Variants in KANSL1 observed in about 807,000 individuals in gnomAD.
KANSL1 encodes the protein MLL1/MLL complex subunit KANSL1.
KANSL1 carries 22 observed loss-of-function variants against 103.6 expected under a neutral mutation model. The observed-to-expected ratio is 0.21, with a 90% confidence interval of 0.15 to 0.30. The LOEUF is 0.30. Among genes scored for constraint, KANSL1 ranks in the 10% least tolerant of loss-of-function variants. The pLI, the probability that KANSL1 is intolerant of heterozygous loss-of-function variation, is 1.00. For missense variants in KANSL1, 1,337 were observed against 1,399.8 expected, an observed-to-expected ratio of 0.96 and a Z score of 0.72; for synonymous variants, 600 against 527.6, an observed-to-expected ratio of 1.14 and a Z score of -1.88.
intron 3 of KANSL1, among the ~76,000 whole-genome samples, chr17:46,085,486 T>C (rs1410638476): frequency 1.3e-5 from 2 of 152,202 alleles, no homozygotes; most frequent in African/African-American, 2.4e-5. Flanking sequence ...TCACTTATTA[T>C]TGCCTCAGTT....
chr17:46,079,755 T>C (rs188809388), intron 4 of KANSL1, among the ~76,000 whole-genome samples: 83 of 152,252 alleles, frequency 5.5e-4, no homozygotes, highest in Non-Finnish European at 9.4e-4. Context: ...GGCCAGCGGA[T>C]TGCTTGTGCT....
At chr17:46,182,544 G>C (rs182505803) in intron 1 of KANSL1, among the ~76,000 whole-genome samples, 1 of 152,254 alleles carries the variant, frequency 6.6e-6, no homozygotes, top group East Asian at 1.9e-4. Context: ...TGGCCAACAG[G>C]GCTTCTTAAC....
At chr17:46,200,458 A>G (rs1205601567) in intron 1 of KANSL1, among the ~76,000 whole-genome samples, 2 of 152,164 alleles carry the variant, frequency 1.3e-5, no homozygotes, top group Non-Finnish European at 2.9e-5. Flanking sequence ...AAATATCTTT[A>G]CAGGCTGGGT....
chr17:46,160,832 T>TA (rs1459916042), intron 2 of KANSL1, among the ~76,000 whole-genome samples: 1 of 152,236 alleles, frequency 6.6e-6, no homozygotes, highest in African/African-American at 2.4e-5. Flanking sequence ...TGATTCTGTT[T>TA]ACACTAAAAA....
intron 2 of KANSL1, chr17:46,170,595 G>C: frequency 2.0e-6 from 1 of 488,848 alleles, no homozygotes; most frequent in Non-Finnish European, 3.6e-6. Context: ...TTACACATAA[G>C]ATGTCTCCTA....
intron 7 of KANSL1, chr17:46,040,607 T>C (rs1490576814): frequency 6.6e-6 from 1 of 152,250 alleles, no homozygotes; most frequent in African/African-American, 2.4e-5. Flanking sequence ...TATTCTAATA[T>C]CCAGTGCTAT....
chr17:46,097,522 G>T (rs756368923), intron 2 of KANSL1, among the ~76,000 whole-genome samples: 1 of 152,220 alleles, frequency 6.6e-6, no homozygotes, highest in East Asian at 1.9e-4. Context: ...AAAGGGGATG[G>T]AGAAGTTGGA....
chr17:46,166,493 CAA>C (rs2046007369), intron 2 of KANSL1, among the ~76,000 whole-genome samples: 1 of 149,854 alleles, frequency 6.7e-6, no homozygotes, highest in South Asian at 2.1e-4. Context: ...GCCTGGGCAA[CAA>C]GAGCAACATT....
chr17:46,216,146 G>A (rs1489624313), intron 1 of KANSL1, among the ~76,000 whole-genome samples: 1 of 152,216 alleles, frequency 6.6e-6, no homozygotes. Context: ...CAGAAAACTA[G>A]TCAGAGCTGG....
At chr17:46,167,818 A>G (rs1029235594) in intron 2 of KANSL1, among the ~76,000 whole-genome samples, 11 of 152,274 alleles carry the variant, frequency 7.2e-5, no homozygotes, top group African/African-American at 2.7e-4. Context: ...TGTACCAACG[A>G]CACAGAATGG....
At chr17:46,205,153 T>TA (rs55788646) in intron 1 of KANSL1, among the ~76,000 whole-genome samples, 16,881 of 149,182 alleles carry the variant, frequency 0.11, no homozygotes, top group Non-Finnish European at 0.17. Context: ...CACTCAGGCT[T>TA]AAAAAAAAGA....
intron 2 of KANSL1, among the ~76,000 whole-genome samples, chr17:46,105,182 C>G (rs1349696882): frequency 6.6e-6 from 1 of 152,220 alleles, no homozygotes; most frequent in Non-Finnish European, 1.5e-5. Context: ...TAGTGAAAGG[C>G]TCTCAGTTAT....
intron 1 of KANSL1, among the ~76,000 whole-genome samples, chr17:46,220,477 A>G (rs577305653): frequency 2.0e-5 from 3 of 152,128 alleles, no homozygotes; most frequent in African/African-American, 7.2e-5. Flanking sequence ...CGGCCTCCCA[A>G]AGTGCTGGGA....
intron 2 of KANSL1, among the ~76,000 whole-genome samples, chr17:46,168,264 T>C: frequency 6.6e-6 from 1 of 152,220 alleles, no homozygotes; most frequent in East Asian, 1.9e-4. Context: ...GCTAAATAAA[T>C]ACCAGCCTTA....
chr17:46,191,158 A>G (rs2047300475), intron 1 of KANSL1, among the ~76,000 whole-genome samples: 1 of 152,252 alleles, frequency 6.6e-6, no homozygotes, highest in Non-Finnish European at 1.5e-5. Context: ...CAATTATGGG[A>G]AAAACTGATA....
At chr17:46,135,141 AG>A (rs1217437545) in intron 2 of KANSL1, among the ~76,000 whole-genome samples, 2 of 150,552 alleles carry the variant, frequency 1.3e-5, no homozygotes, top group Non-Finnish European at 3.0e-5. Context: ...GAAGAAGCAC[AG>A]GGAGAAATAA....
intron 6 of KANSL1, among the ~76,000 whole-genome samples, chr17:46,058,116 T>G (rs2077997209): frequency 6.6e-6 from 1 of 152,130 alleles, no homozygotes; most frequent in Non-Finnish European, 1.5e-5. Context: ...AACTGAAAAT[T>G]GCAAGGCAAA....
chr17:46,199,566 T>C (rs1003880145), intron 1 of KANSL1, among the ~76,000 whole-genome samples: 3 of 152,254 alleles, frequency 2.0e-5, no homozygotes, highest in African/African-American at 7.2e-5. Context: ...ATTACAAGAA[T>C]GCATAGCATT....
At chr17:46,129,271 TGGCA>T (rs1386026939) in intron 2 of KANSL1, among the ~76,000 whole-genome samples, 1 of 152,190 alleles carries the variant, frequency 6.6e-6, no homozygotes, top group African/African-American at 2.4e-5. Context: ...TTATTTTGGC[TGGCA>T]AATACTGGTA....
Sources: gnomAD v4.1 joint callset for allele counts (sites outside exome capture counted in the v4.1 genomes callset) on GRCh38, gnomAD v4.1.1 for gene constraint, MANE v1.5 for transcripts, NCBI Gene and HGNC (gene_info 2026-07-23, HGNC 2026-07-21) for gene names.